Variants in L3MBTL2 observed in about 807,000 individuals in gnomAD.
L3MBTL2 encodes lethal(3)malignant brain tumor-like protein 2.
A neutral mutation model predicts 86.4 loss-of-function variants in L3MBTL2; 49 were observed. The observed-to-expected ratio is 0.57, with a 90% confidence interval of 0.45 to 0.72. L3MBTL2 has a LOEUF of 0.72. Among genes scored for constraint, L3MBTL2 ranks in the 30% least tolerant of loss-of-function variants. The probability of loss-of-function intolerance (pLI) is 0.00; values close to 1 mark genes in which losing one functional copy is unlikely to be tolerated. For missense variants in L3MBTL2, 755 were observed against 923.7 expected (o/e 0.82, Z 2.37); for synonymous variants, 336 against 350.6 (o/e 0.96, Z 0.47).
Position 41,227,271 on chromosome 22 carries a change from C to G in L3MBTL2, c.1770C>G (p.Pro590=), listed in dbSNP as rs145041793. 2.5e-6 allele frequency: 4 copies of G among 1,612,140 alleles called. No individual in the cohort carries two copies. In the Admixed American group the frequency reaches 6.7e-5, roughly 27 times the overall value. Residue 590 remains proline (P), a synonymous_variant, in exon 14 of 17, where the codon CCC becomes CCG. Transcript: ENST00000216237. The surrounding 1 kb of genome is among the most constrained non-coding windows in gnomAD (Gnocchi z 6.0). ...WVDCESPDIY[P]VGWCELTGYQ... ...ACTGCGAGTCCCCAGACATCTACCCCGTCGGCTGGTGTGAGCTCACCGGCT... is the reference window on the plus strand; with the variant it reads ...ACTGCGAGTCCCCAGACATCTACCCGGTCGGCTGGTGTGAGCTCACCGGCT...
In L3MBTL2 at chr22:41,225,874, C is replaced by G. The variant is rs761142767; in HGVS notation, c.1437C>G (p.Ala479=). 6.2e-7 allele frequency: 1 copy of G among 1,614,184 alleles called. No homozygotes were observed. The highest frequency in any genetic ancestry group is 8.5e-7 in the Non-Finnish European group (1 of 1,180,044). ...TDGLDWFCYH[A]SSHAIFPATF... ...GCTTGGACTGGTTCTGCTACCATGC[C>G]TCTTCCCACGCCATCTTCCCGGCCA... Residue 479 remains alanine, a synonymous_variant, in exon 12 of 17, where the codon GCC becomes GCG. Transcript: ENST00000216237. This position sits in a 1 kb window ranked among gnomAD's most constrained non-coding sequence, Gnocchi z 4.1.
rs191420741 is a variant in L3MBTL2 at position 41,219,223 on chromosome 22, C to T, written c.601-196C>T. 120 of 500,468 alleles carry T rather than the reference C, an allele frequency of 2.4e-4. 1 individual carries two copies. The East Asian group carries it at 2.9e-3, about 12-fold the overall frequency. 31.0% of individuals were successfully genotyped at this position (500,468 alleles called of 1,614,324 possible). A position where few individuals can be genotyped will look rare whatever the true frequency, so the allele number is the denominator to read the frequency against. ...TAGCCATCACCCTGCATCCCACCAC[C>T]TCCACCTCTACTCCCGGCTTAGCTC... On this transcript the variant is annotated intron_variant, in intron 5 of 16. Coordinates refer to ENST00000216237, the MANE Select transcript of L3MBTL2 (RefSeq NM_031488.5).
chr22:41,209,700 C>T lies in L3MBTL2; in HGVS notation c.29C>T (p.Thr10Ile). Residue 10 changes from threonine to isoleucine, a missense_variant, in exon 2 of 17, where the codon ACC becomes ATC. Physicochemically the swap from Thr to Ile is moderately conservative, Grantham distance 89. Transcript: ENST00000216237. ...GTTTGTGTCATCCTCCATTAGGAGACCCCATCTTCAGAACCAATGGAGGAA... is the reference window on the plus strand; with the variant it reads ...GTTTGTGTCATCCTCCATTAGGAGATCCCATCTTCAGAACCAATGGAGGAA... The part of the protein sequence containing the change: MEKPRSIEE[T>I]PSSEPMEEEE... 6.2e-7 allele frequency: 1 copy of T among 1,613,858 alleles called. No homozygotes were observed. Among genetic ancestry groups the T allele is most frequent in the South Asian group, 1.1e-5 (1 of 91,046 alleles).
Position 41,213,892 on chromosome 22 carries a change from GCTGT to G in L3MBTL2, c.267_270del (p.Cys90ArgfsTer95). ...AGTCATGTGCTAAGTTCTCTTCCCAGCTGTCTGTGAGATGTGTGGTATCGTGGGT... is the reference window on the plus strand; with the variant it reads ...AGTCATGTGCTAAGTTCTCTTCCCAGCTGTGAGATGTGTGGTATCGTGGGT... On this transcript the variant is annotated frameshift_variant and splice_region_variant, in exon 3 of 17. Coordinates refer to ENST00000216237, the MANE Select transcript of L3MBTL2 (RefSeq NM_031488.5). LOFTEE classifies it high-confidence loss of function. 1 of 1,614,108 alleles carries G rather than the reference GCTGT, an allele frequency of 6.2e-7. No homozygotes were observed. Among genetic ancestry groups the G allele is most frequent in the Non-Finnish European group, 8.5e-7 (1 of 1,179,998 alleles).
At chr22:41,226,510 T>A (rs2032193387) in intron 12 of L3MBTL2, 152 bp from the exon 13 acceptor site, 11 of 668,442 alleles carry the variant, frequency 1.6e-5, no homozygotes, top group South Asian at 1.4e-4. Context: ...CTAGAGCAGG[T>A]ACTACCCTGA....
chr22:41,224,057 T>C lies in L3MBTL2; in HGVS notation c.980T>C (p.Met327Thr). 1.9e-6 allele frequency: 3 copies of C among 1,614,154 alleles called. No individual in the cohort carries two copies. The highest frequency in any genetic ancestry group is 2.5e-6 in the Non-Finnish European group (3 of 1,180,010). ...ESMKYPFRQGMRLEVVDKSQV... is the reference protein window; with the variant it reads ...ESMKYPFRQGTRLEVVDKSQV... ...ATGAAGTACCCCTTTAGGCAGGGCA[T>C]GCGGCTGGAAGTGGTGGACAAGTCC... is the stretch of plus-strand genomic sequence containing the variant. The change falls in exon 9 of 17, where the codon ATG becomes ACG. Residue 327 changes from methionine (M) to threonine (T), a missense_variant. This residue lies in a region of L3MBTL2 where 634 missense variants were observed against 748.9 expected (regional missense o/e 0.85). Transcript: ENST00000216237. This position sits in a 1 kb window ranked among gnomAD's most constrained non-coding sequence, Gnocchi z 4.9.
Position 41,227,508 on chromosome 22 carries a change from C to A in L3MBTL2, c.1822+185C>A. ...CTGACTTCTCTGTCTCCCTTTCCCT[C>A]TGGCCTGCAGAGCTCCTTCCTTCAT... is the stretch of plus-strand genomic sequence containing the variant. On this transcript the variant is annotated intron_variant, in intron 14 of 16. Coordinates refer to ENST00000216237, the MANE Select transcript of L3MBTL2 (RefSeq NM_031488.5). The surrounding 1 kb of genome is among the most constrained non-coding windows in gnomAD (Gnocchi z 6.0). The A allele has an allele frequency of 7.3e-7, 1 of 1,371,480 alleles. No individual in the cohort carries two copies. Among genetic ancestry groups the A allele is most frequent in the Non-Finnish European group, 1.0e-6 (1 of 984,532 alleles). 85.0% of individuals were successfully genotyped at this position (1,371,480 alleles called of 1,614,324 possible). A position where few individuals can be genotyped will look rare whatever the true frequency, so the allele number is the denominator to read the frequency against.
At position 41,213,965 on chromosome 22, in the gene L3MBTL2, T is replaced by TCTCCTGCTCCAGGAG; in HGVS notation, c.338_352dup (p.Ser113_Ser117dup). ...TCCAAGACCAAGAGGTTCTGCAGCG[T>TCTCCTGCTCCAGGAG]CTCCTGCTCCAGGAGCTACTCCTCC... On this transcript the variant is annotated inframe_insertion, in exon 3 of 17. Coordinates refer to ENST00000216237, the MANE Select transcript of L3MBTL2 (RefSeq NM_031488.5). 1 of 1,614,060 alleles carries TCTCCTGCTCCAGGAG rather than the reference T, an allele frequency of 6.2e-7. No individual in the cohort carries two copies. The highest frequency in any genetic ancestry group is 8.5e-7 in the Non-Finnish European group (1 of 1,179,946).
At position 41,227,010 on chromosome 22, in the gene L3MBTL2, C is replaced by T. The variant is rs1325315269; in HGVS notation, c.1588-79C>T. ...TCCCCGCCCCTCCCTGCCAGTTCTTCAAGTGCCTCCGGGCCGGGGCAAGCC... is the reference window on the plus strand; with the variant it reads ...TCCCCGCCCCTCCCTGCCAGTTCTTTAAGTGCCTCCGGGCCGGGGCAAGCC... On this transcript the variant is annotated intron_variant, in intron 13 of 16. Coordinates refer to ENST00000216237, the MANE Select transcript of L3MBTL2 (RefSeq NM_031488.5). This position sits in a 1 kb window ranked among gnomAD's most constrained non-coding sequence, Gnocchi z 6.0. 21 of 1,297,148 alleles carry T rather than the reference C, an allele frequency of 1.6e-5. No individual in the cohort carries two copies. Among genetic ancestry groups the T allele is most frequent in the East Asian group, 2.5e-5 (1 of 39,662 alleles). The allele number at this position is 1,297,148 out of a possible 1,614,324, so 80.4% of individuals were successfully genotyped here. A position where few individuals can be genotyped will look rare whatever the true frequency, so the allele number is the denominator to read the frequency against.
In L3MBTL2 at chr22:41,225,755, C is replaced by G. The variant is rs763139392; in HGVS notation, c.1357-39C>G. 4.4e-6 allele frequency: 7 copies of G among 1,587,366 alleles called. No individual in the cohort carries two copies. In the African/African-American group the frequency reaches 9.4e-5, roughly 21 times the overall value. ...TACCAACCCAGGATGGGGTGCAGTT[C>G]ATGATATGATCTGTCTGCCTGCTCC... On this transcript the variant is annotated intron_variant, in intron 11 of 16. Transcript: ENST00000216237. The surrounding 1 kb of genome is among the most constrained non-coding windows in gnomAD (Gnocchi z 4.1).
intron 16 of L3MBTL2, 32 bp from the exon 17 acceptor site, chr22:41,230,107 C>G (rs200068641): frequency 2.4e-6 from 1 of 417,112 alleles, no homozygotes; most frequent in African/African-American, 2.5e-5. Flanking sequence ...GTTATTTACT[C>G]GCCCACCCAC....
Position 41,224,079 on chromosome 22 carries a change from G to A in L3MBTL2, c.1002G>A (p.Lys334=), listed in dbSNP as rs1251609151. Residue 334 remains lysine (K), a synonymous_variant, in exon 9 of 17, where the codon AAG becomes AAA. Coordinates refer to ENST00000216237, the MANE Select transcript of L3MBTL2 (RefSeq NM_031488.5). The surrounding 1 kb of genome is among the most constrained non-coding windows in gnomAD (Gnocchi z 4.9). ...RQGMRLEVVD[K]SQVSRTRMAV... ...GCATGCGGCTGGAAGTGGTGGACAA[G>A]TCCCAGGTGTCACGCACTCGCATGG... 1.9e-6 allele frequency: 3 copies of A among 1,614,096 alleles called. No individual in the cohort carries two copies. The highest frequency in any genetic ancestry group is 1.7e-5 in the Admixed American group (1 of 60,004).
At chr22:41,208,750 T>C (rs1170523227) in intron 1 of L3MBTL2, among the ~76,000 whole-genome samples, 1 of 152,198 alleles carries the variant, frequency 6.6e-6, no homozygotes, top group African/African-American at 2.4e-5. Flanking sequence ...GAAGAATTTT[T>C]GTTTTTCTTT....
At chr22:41,219,351 T>C (rs769050193) in intron 5 of L3MBTL2, 68 bp from the exon 6 acceptor site, 87 of 1,182,926 alleles carry the variant, frequency 7.4e-5, no homozygotes, top group Non-Finnish European at 1.1e-4. Context: ...ACTGAGGCCG[T>C]GAGGCAGTCT....
chr22:41,228,557 A>T, intron 15 of L3MBTL2: 1 of 984,384 alleles, frequency 1.0e-6, no homozygotes, highest in Non-Finnish European at 1.2e-6. Flanking sequence ...CAGGGTTAAG[A>T]TTGAGTGAGG....
rs1023286610 is a variant in L3MBTL2 at position 41,211,757 on chromosome 22, C to G, written c.262+1824C>G. On this transcript the variant is annotated intron_variant, in intron 2 of 16. Transcript: ENST00000216237. ...GTATTTTAGTAGAGACGGGGTTTCA[C>G]CATGTTAGCCAGGATGGTCTCGATC... is the stretch of plus-strand genomic sequence containing the variant. 9.3e-4 allele frequency among the ~76,000 whole-genome samples: 138 copies of G among 147,742 alleles called. 3 individuals carry two copies. Among genetic ancestry groups the G allele is most frequent in the Non-Finnish European group, 2.7e-4 (18 of 67,258 alleles).
chr22:41,230,089 C>CCCCCCCCCCCCCTTTTT, intron 16 of L3MBTL2, 50 bp from the exon 17 acceptor site: 1 of 873,242 alleles, frequency 1.1e-6, no homozygotes, highest in South Asian at 1.6e-5. Flanking sequence ...GCCCCCACCC[C>CCCCCCCCCCCCCTTTTT]TCCCAGAGTT....
In L3MBTL2 at chr22:41,222,640, C is replaced by T. The variant is rs201699965; in HGVS notation, c.942+1353C>T. On this transcript the variant is annotated intron_variant, in intron 8 of 16. Transcript: ENST00000216237. The stretch of plus-strand genomic sequence containing the variant: ...AAAAAAAAAAAAAACATTAGCTAGG[C>T]ACGGCACAGTGGCTTACTCCTGTAA... Among the ~76,000 whole-genome samples, 6 of 151,678 alleles carry T rather than the reference C, an allele frequency of 4.0e-5. No homozygotes were observed. The East Asian group carries it at 1.2e-3, about 29-fold the overall frequency.
intron 1 of L3MBTL2, chr22:41,209,295 C>T (rs1014957631): frequency 6.0e-6 from 1 of 166,236 alleles, no homozygotes; most frequent in African/African-American, 2.4e-5. Context: ...TTTGTAGAGA[C>T]AGGGTTTCAC....
Sources: allele counts gnomAD v4.1 joint callset (sites outside exome capture counted in the v4.1 genomes callset), GRCh38; gene constraint gnomAD v4.1.1; regional missense constraint gnomAD v4.1.1; non-coding constraint Gnocchi (gnomAD v3.1); transcripts MANE v1.5; gene names NCBI Gene and HGNC (gene_info 2026-07-23, HGNC 2026-07-21).